The following EFHD1 variants were observed in gnomAD, a reference collection of about 807,000 sequenced individuals.
EFHD1 encodes the protein EF-hand domain family member D1.
A neutral mutation model predicts 17.2 loss-of-function variants in EFHD1; 10 were observed. The observed-to-expected ratio is 0.58, with a 90% CI of 0.36 to 0.99. The LOEUF is 0.99. Among genes scored for constraint, EFHD1 ranks in the 50% least tolerant of loss-of-function variants. The probability of loss-of-function intolerance (pLI) is 0.01; values close to 1 mark genes in which losing one functional copy is unlikely to be tolerated. For synonymous variants in EFHD1, 153 were observed against 142.0 expected, an observed-to-expected ratio of 1.08 and a Z score of -0.55; for missense variants, 310 against 327.5, an observed-to-expected ratio of 0.95 and a Z score of 0.41.
intron 1 of EFHD1, among the ~76,000 whole-genome samples, chr2:232,626,438 C>T (rs985028242): frequency 1.3e-5 from 2 of 151,928 alleles, no homozygotes; most frequent in Admixed American, 1.3e-4. Flanking sequence ...ATCCCAGCTA[C>T]TCTGGAAGCT....
At chr2:232,646,111 C>T (rs765875705) in intron 1 of EFHD1, among the ~76,000 whole-genome samples, 54 of 152,188 alleles carry the variant, frequency 3.5e-4, no homozygotes, top group Non-Finnish European at 5.0e-4. Context: ...ATGTTTTAGC[C>T]GGGCTCACCA....
At position 232,681,610 on chromosome 2, in the gene EFHD1, A is replaced by C; in HGVS notation, c.611A>C (p.Lys204Thr). The change falls in exon 4 of 4, where the codon AAG (lysine) becomes ACG (threonine). Residue 204 changes from lysine to threonine, a missense_variant. Lys to Thr is a moderately conservative substitution (Grantham distance 78). Transcript: ENST00000264059. The part of the protein sequence containing the change: ...AKVQALSSAS[K>T]FEAELKAEQD... ...GTCCAAGCCTTGTCATCGGCCAGTA[A>C]GTTTGAAGCAGAGTTGAAAGCTGAG... 1 of 1,614,116 alleles carries C rather than the reference A, an allele frequency of 6.2e-7. No homozygotes were observed. The highest frequency in any genetic ancestry group is 8.5e-7 in the Non-Finnish European group (1 of 1,180,000).
chr2:232,652,659 A>G (rs185541194), intron 1 of EFHD1, among the ~76,000 whole-genome samples: 26 of 152,290 alleles, frequency 1.7e-4, no homozygotes, highest in Middle Eastern at 3.4e-3. Context: ...CAAAAGGATC[A>G]GTACATGAGA....
At chr2:232,622,350 T>G (rs1694032028) in intron 1 of EFHD1, among the ~76,000 whole-genome samples, 1 of 152,150 alleles carries the variant, frequency 6.6e-6, no homozygotes, top group African/African-American at 2.4e-5. Context: ...ACGCCTGTAA[T>G]CCCAGCTACT....
chr2:232,620,416 C>CT (rs1393372071), intron 1 of EFHD1, among the ~76,000 whole-genome samples: 3 of 151,202 alleles, frequency 2.0e-5, no homozygotes, highest in African/African-American at 7.3e-5. Flanking sequence ...GACAGAGTCT[C>CT]ACTCTGTCTC....
At chr2:232,609,310 T>G (rs34958546) in intron 1 of EFHD1, among the ~76,000 whole-genome samples, 74,774 of 151,840 alleles carry the variant, frequency 0.49, 18,946 homozygotes, top group Middle Eastern at 0.6. Flanking sequence ...ATCTGCCTGC[T>G]TCAGCCTCCC....
chr2:232,641,323 G>A (rs770715966), intron 1 of EFHD1, among the ~76,000 whole-genome samples: 16 of 152,102 alleles, frequency 1.1e-4, no homozygotes, highest in East Asian at 3.9e-4. Flanking sequence ...ATGAGCCACC[G>A]CACCTGGCCA....
At chr2:232,637,414 G>A (rs1376433419) in intron 1 of EFHD1, among the ~76,000 whole-genome samples, 3 of 149,732 alleles carry the variant, frequency 2.0e-5, no homozygotes, top group Non-Finnish European at 4.4e-5. Context: ...TGCGATCTTG[G>A]CTCGCTGCAA....
At chr2:232,675,187 A>AAAAAG (rs34795309) in intron 3 of EFHD1, among the ~76,000 whole-genome samples, 8 of 146,970 alleles carry the variant, frequency 5.4e-5, no homozygotes, top group Non-Finnish European at 1.0e-4. Flanking sequence ...AAAGAAAAAA[A>AAAAAG]AGAGAGAGAG....
intron 1 of EFHD1, among the ~76,000 whole-genome samples, chr2:232,636,021 C>T (rs1200607766): frequency 2.6e-5 from 4 of 152,272 alleles, no homozygotes; most frequent in South Asian, 4.2e-4. Flanking sequence ...TGGATCTAGG[C>T]GCTTAGGTGC....
At chr2:232,626,558 ATTAAT>A (rs1279441894) in intron 1 of EFHD1, among the ~76,000 whole-genome samples, 2 of 152,178 alleles carry the variant, frequency 1.3e-5, no homozygotes, top group Non-Finnish European at 2.9e-5. Flanking sequence ...AAATTAATTA[ATTAAT>A]TTATTTATTT....
rs562221990 is a variant in EFHD1, at chr2:232,660,396, G to A, written c.303-2406G>A. ...TTTTTAGTAGAGATGGGATTTCACC[G>A]TGTTAGCCAGGATGGTCTCGATCTT... On this transcript the variant is annotated intron_variant, in intron 1 of 3. Transcript: ENST00000264059. Among the ~76,000 whole-genome samples the A allele has an allele frequency of 9.3e-4, 141 of 151,426 alleles. 1 individual carries two copies. Among genetic ancestry groups the A allele is most frequent in the African/African-American group, 3.0e-3 (124 of 41,370 alleles).
At chr2:232,662,110 C>T (rs1179536604) in intron 1 of EFHD1, among the ~76,000 whole-genome samples, 1 of 151,914 alleles carries the variant, frequency 6.6e-6, no homozygotes, top group African/African-American at 2.4e-5. Flanking sequence ...CAGGAGGGGA[C>T]AGGCCCAGTC....
intron 1 of EFHD1, among the ~76,000 whole-genome samples, chr2:232,643,584 C>T (rs981500214): frequency 1.3e-5 from 2 of 151,646 alleles, no homozygotes; most frequent in African/African-American, 4.8e-5. Context: ...CGGAGTTTCA[C>T]CATGTTGCTG....
intron 1 of EFHD1, among the ~76,000 whole-genome samples, chr2:232,625,274 A>G (rs1694087284): frequency 6.6e-6 from 1 of 150,814 alleles, no homozygotes; most frequent in African/African-American, 2.4e-5. Flanking sequence ...GACTACAGGA[A>G]CGCACCACCA....
chr2:232,634,538 C>T (rs890114479), intron 1 of EFHD1, among the ~76,000 whole-genome samples: 1 of 152,204 alleles, frequency 6.6e-6, no homozygotes, highest in South Asian at 2.1e-4. Flanking sequence ...TCAGGACTTT[C>T]CTGGAGCAGG....
intron 1 of EFHD1, among the ~76,000 whole-genome samples, chr2:232,609,825 G>T (rs78953707): frequency 0.065 from 9,901 of 152,266 alleles, 357 homozygotes; most frequent in South Asian, 0.11. Flanking sequence ...CTCCAGGTGT[G>T]CCCTGAGGCC....
intron 1 of EFHD1, among the ~76,000 whole-genome samples, chr2:232,626,145 T>C (rs984921256): frequency 6.6e-6 from 1 of 151,954 alleles, no homozygotes; most frequent in African/African-American, 2.4e-5. Context: ...TGAGCCATGA[T>C]CACAACACCG....
Position 232,633,903 on chromosome 2 carries a change from G to C in EFHD1, c.199G>C (p.Glu67Gln), listed in dbSNP as rs550603455. 2 of 1,575,754 alleles carry C rather than the reference G, an allele frequency of 1.3e-6. No individual in the cohort carries two copies. Among genetic ancestry groups the C allele is most frequent in the East Asian group, 2.4e-5 (1 of 41,218 alleles). Residue 67 changes from glutamate to glutamine, a missense_variant, in exon 1 of 4, where the codon GAG (glutamate) becomes CAG (glutamine). Physicochemically the swap from Glu to Gln is conservative, Grantham distance 29. Transcript: ENST00000264059. The part of the protein sequence containing the change: ...AQLSRRLDIN[E>Q]GAARPRRCRV... ...GCTGAGCCGGCGGCTGGACATCAAC[G>C]AGGGCGCTGCGCGGCCCCGGCGCTG...
Sources: gnomAD v4.1 joint callset for allele counts (sites outside exome capture counted in the v4.1 genomes callset) on GRCh38, gnomAD v4.1.1 for gene constraint, MANE v1.5 for transcripts, NCBI Gene and HGNC (gene_info 2026-07-23, HGNC 2026-07-21) for gene names.